The following RSL1D1 variants were observed in gnomAD, a reference collection of about 807,000 sequenced individuals.
RSL1D1 encodes ribosomal L1 domain containing 1.
In RSL1D1, 34 loss-of-function variants were observed where a neutral mutation model predicts 44.6. The observed-to-expected ratio is 0.76, with a 90% CI of 0.58 to 1.02. The LOEUF is 1.02. Among genes scored for constraint, RSL1D1 ranks in the 50% least tolerant of loss-of-function variants. The probability of loss-of-function intolerance (pLI) is 0.00; values close to 1 mark genes in which losing one functional copy is unlikely to be tolerated. For synonymous variants in RSL1D1, 271 were observed against 207.4 expected, an observed-to-expected ratio of 1.31 and a Z score of -2.63; for missense variants, 767 against 568.1, an observed-to-expected ratio of 1.35 and a Z score of -3.56.
chr16:11,851,041 C>A, intron 1 of RSL1D1: 1 of 359,064 alleles, frequency 2.8e-6, no homozygotes. Context: ...ACACTCATTA[C>A]CTCTCCCGAT....
Position 11,836,804 on chromosome 16 carries a change from C to G in RSL1D1, c.*983G>C, listed in dbSNP as rs141916084. The stretch of plus-strand genomic sequence containing the variant: ...TGTTTCTCCTAAATTCCGTAGCCGA[C>G]TCTCATACAGCGAGACCCTCACTGG... On this transcript the variant is annotated 3_prime_UTR_variant, in exon 9 of 9. Transcript: ENST00000571133. 6.6e-6 allele frequency: 1 copy of G among 152,320 alleles called. No individual in the cohort carries two copies. Among genetic ancestry groups the G allele is most frequent in the Non-Finnish European group, 1.5e-5 (1 of 68,052 alleles). The allele number at this position is 152,320 out of a possible 1,614,324, so 9.4% of individuals were successfully genotyped here.
At position 11,836,862 on chromosome 16, in the gene RSL1D1, TG is replaced by T. The variant is rs1418454766; in HGVS notation, c.*924del. 1 of 152,200 alleles carries T rather than the reference TG, an allele frequency of 6.6e-6. No homozygotes were observed. Among genetic ancestry groups the T allele is most frequent in the African/African-American group, 2.4e-5 (1 of 41,448 alleles). 9.4% of individuals were successfully genotyped at this position (152,200 alleles called of 1,614,324 possible). ...TGGGAATGACTACAAATGAATATGA[TG>T]GAGTCCATGTGAATAATGGTTGAGC... On this transcript the variant is annotated 3_prime_UTR_variant, in exon 9 of 9. Coordinates refer to ENST00000571133, the MANE Select transcript of RSL1D1 (RefSeq NM_015659.3).
chr16:11,842,532 T>C (rs751664371), intron 5 of RSL1D1, among the ~76,000 whole-genome samples: 4 of 151,540 alleles, frequency 2.6e-5, no homozygotes, highest in Non-Finnish European at 5.9e-5. Context: ...CAGCTGATTT[T>C]TGTATTTTTT....
At chr16:11,848,704 G>T (rs1046894166) in intron 2 of RSL1D1, among the ~76,000 whole-genome samples, 4 of 152,210 alleles carry the variant, frequency 2.6e-5, no homozygotes, top group African/African-American at 9.6e-5. Context: ...ACATAGCCTG[G>T]GCTGGTCTTG....
At chr16:11,850,727 T>C (rs534205190) in intron 1 of RSL1D1, among the ~76,000 whole-genome samples, 59 of 152,308 alleles carry the variant, frequency 3.9e-4, no homozygotes, top group African/African-American at 1.2e-3. Context: ...CCCTCAATGA[T>C]GAAAGCAGTA....
rs188212165 is a variant in RSL1D1 at position 11,837,985 on chromosome 16, C to A, written c.1275G>T (p.Gly425=). ...TTTTTGGCTTCTTCTCTGGGCTTTT[C>A]CCTGGGGTCTCAGACTCTGCAGCTT... ...TPKAAESETP[G]KSPEKKPKIK... is the part of the protein sequence containing the mutation. The change falls in exon 9 of 9, where the codon GGG becomes GGT. Residue 425 remains glycine, a synonymous_variant. Transcript: ENST00000571133. 6 of 1,613,996 alleles carry A rather than the reference C, an allele frequency of 3.7e-6. No individual in the cohort carries two copies. The Admixed American group carries it at 1.0e-4, about 27-fold the overall frequency.
At chr16:11,850,475 T>C in intron 1 of RSL1D1, 57 bp from the exon 2 acceptor site, 1 of 1,537,076 alleles carries the variant, frequency 6.5e-7, no homozygotes, top group East Asian at 2.3e-5. Flanking sequence ...CTTACACAAA[T>C]AAATGAAATG....
rs1479730495 is a variant in RSL1D1 at position 11,846,712 on chromosome 16, A to T, written c.516T>A (p.His172Gln). Residue 172 changes from histidine (H) to glutamine (Q), a missense_variant, in exon 4 of 9, where the codon CAT becomes CAA. By Grantham distance (24) the His-to-Gln change is conservative. Transcript: ENST00000571133. ...RRLLPSLIGR[H>Q]FYQRKKVPVS... is the part of the protein sequence containing the mutation. ...AAACTTACTTCTTTCTTTGATAGAAATGTCTCCCAATGAGTGAGGGTAAGA... is the reference window on the plus strand; with the variant it reads ...AAACTTACTTCTTTCTTTGATAGAATTGTCTCCCAATGAGTGAGGGTAAGA... The T allele has an allele frequency of 1.9e-6, 3 of 1,613,828 alleles. No individual in the cohort carries two copies. The highest frequency in any genetic ancestry group is 1.3e-5 in the African/African-American group (1 of 74,920).
chr16:11,846,621 G>C lies in RSL1D1; in HGVS notation c.534-19C>G. 3.7e-6 allele frequency: 6 copies of C among 1,601,104 alleles called. No homozygotes were observed. The highest frequency in any genetic ancestry group is 5.1e-6 in the Non-Finnish European group (6 of 1,168,852). ...TGGAACTCTACAAAATAAACACACA[G>C]GCATTCAGAACACAATGCATACACA... On this transcript the variant is annotated intron_variant, in intron 4 of 8. Transcript: ENST00000571133.
intron 7 of RSL1D1, 71 bp from the exon 8 acceptor site, chr16:11,840,056 C>A: frequency 6.4e-7 from 1 of 1,555,012 alleles, no homozygotes. Flanking sequence ...ATAGATGTAC[C>A]ACGTGCAGTT....
intron 2 of RSL1D1, among the ~76,000 whole-genome samples, chr16:11,849,985 G>A (rs536576383): frequency 2.0e-5 from 3 of 152,192 alleles, no homozygotes; most frequent in South Asian, 2.1e-4. Flanking sequence ...CCGCCATCAT[G>A]CCTGGCTAAT....
At position 11,833,899 on chromosome 16, in the gene RSL1D1, A is replaced by T. The variant is rs1476509211; in HGVS notation, c.*3888T>A. 1 of 152,192 alleles carries T rather than the reference A, an allele frequency of 6.6e-6. No individual in the cohort carries two copies. Among genetic ancestry groups the T allele is most frequent in the Non-Finnish European group, 1.5e-5 (1 of 68,040 alleles). The allele number at this position is 152,192 out of a possible 1,614,324, so 9.4% of individuals were successfully genotyped here. On this transcript the variant is annotated 3_prime_UTR_variant, in exon 9 of 9. Transcript: ENST00000571133. Reference sequence around the variant, plus strand: ...TATTACGATTCCTAAAAAACAAATGAACTAAAACTCAATTACTTCCTTCAG... The same window carrying T: ...TATTACGATTCCTAAAAAACAAATGTACTAAAACTCAATTACTTCCTTCAG...
At chr16:11,850,497 AT>A in intron 1 of RSL1D1, 79 bp from the exon 2 acceptor site, 1 of 1,445,802 alleles carries the variant, frequency 6.9e-7, no homozygotes, top group Non-Finnish European at 9.3e-7. Context: ...TCTCAATCTA[AT>A]TTAGCATTTG....
intron 5 of RSL1D1, among the ~76,000 whole-genome samples, chr16:11,845,296 T>C (rs1372115841): frequency 6.6e-6 from 1 of 152,056 alleles, no homozygotes; most frequent in Admixed American, 6.6e-5. Flanking sequence ...CTACAAAACA[T>C]TGAAAAATTA....
intron 5 of RSL1D1, among the ~76,000 whole-genome samples, chr16:11,842,282 G>A (rs987315881): frequency 3.3e-5 from 5 of 151,234 alleles, no homozygotes; most frequent in African/African-American, 9.7e-5. Flanking sequence ...AGTGAGCCCA[G>A]ATCTGGCGAC....
rs762473257 is a variant in RSL1D1 at position 11,837,845 on chromosome 16, T to C, written c.1415A>G (p.Lys472Arg). The part of the protein sequence containing the change: ...FFTTPSKSVR[K>R]ASHTPKKWPK... ...CCATTTTTTGGGGGTGTGGGAAGCT[T>C]TTCTCACAGATTTACTAGGAGTGGT... The change falls in exon 9 of 9, where the codon AAA becomes AGA. Residue 472 changes from lysine to arginine, a missense_variant. Lys to Arg is a conservative substitution (Grantham distance 26, BLOSUM62 2). Coordinates refer to ENST00000571133, the MANE Select transcript of RSL1D1 (RefSeq NM_015659.3). The C allele has an allele frequency of 2.4e-5, 39 of 1,613,662 alleles. 1 individual carries two copies. The South Asian group carries it at 4.2e-4, about 17-fold the overall frequency.
intron 2 of RSL1D1, among the ~76,000 whole-genome samples, chr16:11,848,916 T>TA (rs1185421864): frequency 6.6e-6 from 1 of 152,170 alleles, no homozygotes; most frequent in Admixed American, 6.6e-5. Context: ...CAGCTGGGAT[T>TA]ACAGACGCCC....
chr16:11,839,838 A>T lies in RSL1D1; in HGVS notation c.1003T>A (p.Ser335Thr), dbSNP rs1187025995. 1 of 1,613,782 alleles carries T rather than the reference A, an allele frequency of 6.2e-7. No homozygotes were observed. The highest frequency in any genetic ancestry group is 1.3e-5 in the African/African-American group (1 of 74,814). ...TGCTCTGGGGTCTGTTCCTTCTTTG[A>T]TTCAGGTTTCTTCACTGTAGTATCA... is the stretch of plus-strand genomic sequence containing the variant. ...SGDTTVKKPE[S>T]KKEQTPEHGK... The change falls in exon 8 of 9, where the codon TCA becomes ACA. Residue 335 changes from serine (S) to threonine (T), a missense_variant. Ser to Thr is a moderately conservative substitution (Grantham distance 58, BLOSUM62 1). Coordinates refer to ENST00000571133, the MANE Select transcript of RSL1D1 (RefSeq NM_015659.3).
intron 3 of RSL1D1, 136 bp downstream of exon 3, chr16:11,847,532 T>C: frequency 1.3e-6 from 1 of 744,172 alleles, no homozygotes; most frequent in Non-Finnish European, 2.2e-6. Flanking sequence ...GCTACTGATG[T>C]ACACGCCACC....
Sources: gnomAD v4.1 joint callset for allele counts (sites outside exome capture counted in the v4.1 genomes callset) on GRCh38, gnomAD v4.1.1 for gene constraint, MANE v1.5 for transcripts, NCBI Gene and HGNC (gene_info 2026-07-23, HGNC 2026-07-21) for gene names.